LPP: variants seen among roughly 807,000 people sequenced by gnomAD.
The protein encoded by LPP is LIM domain containing preferred translocation partner in lipoma.
A neutral mutation model predicts 60.4 loss-of-function variants in LPP; 38 were observed. The observed-to-expected ratio is 0.63, with a 90% CI of 0.49 to 0.83. LPP has a LOEUF of 0.83. Ranked by LOEUF, LPP falls within the 40% of genes least tolerant of loss-of-function variation. The probability of loss-of-function intolerance (pLI) is 0.00; values close to 1 mark genes in which losing one functional copy is unlikely to be tolerated. For synonymous variants in LPP, 328 were observed against 290.8 expected, an observed-to-expected ratio of 1.13 and a Z score of -1.30; for missense variants, 902 against 783.6, an observed-to-expected ratio of 1.15 and a Z score of -1.80.
intron 9 of LPP, among the ~76,000 whole-genome samples, chr3:188,763,832 A>T (rs1014194575): frequency 6.6e-6 from 1 of 152,076 alleles, no homozygotes; most frequent in African/African-American, 2.4e-5. Context: ...TTTGAATTAC[A>T]TCCTTAGCAT....
chr3:188,610,999 C>G lies in LPP; in HGVS notation c.1113+1155C>G, dbSNP rs1843596904. Among the ~76,000 whole-genome samples, 1 of 152,164 alleles carries G rather than the reference C, an allele frequency of 6.6e-6. No homozygotes were observed. The highest frequency in any genetic ancestry group is 2.4e-5 in the African/African-American group (1 of 41,430). On this transcript the variant is annotated intron_variant, in intron 7 of 11. Transcript: ENST00000617246. This position sits in a 1 kb window ranked among gnomAD's most constrained non-coding sequence, Gnocchi z 4.4. ...TCTTTCCACATTTTTACAAGATTGT[C>G]CATTTCAAGACAGATCTATTCACAT...
chr3:188,705,595 A>T (rs1041305166), intron 7 of LPP, among the ~76,000 whole-genome samples: 1 of 151,870 alleles, frequency 6.6e-6, no homozygotes, highest in Non-Finnish European at 1.5e-5. Context: ...ACTATGCTAT[A>T]TATATATATA....
intron 7 of LPP, among the ~76,000 whole-genome samples, chr3:188,652,995 G>A: frequency 6.6e-6 from 1 of 152,206 alleles, no homozygotes; most frequent in East Asian, 1.9e-4. Flanking sequence ...CACTGGTTTG[G>A]AAGTGTGTGT....
At chr3:188,314,597 C>CTGTG (rs34621159) in intron 2 of LPP, among the ~76,000 whole-genome samples, 1,556 of 149,782 alleles carry the variant, frequency 0.01, 15 homozygotes, top group African/African-American at 0.035. Flanking sequence ...TTTGAAAATT[C>CTGTG]TGTGTGTGTG....
At chr3:188,842,635 GT>G (rs1289090516) in intron 9 of LPP, among the ~76,000 whole-genome samples, 5 of 151,722 alleles carry the variant, frequency 3.3e-5, no homozygotes, top group South Asian at 2.1e-4. Flanking sequence ...TAGAATTAAT[GT>G]TTTTCCTATT....
chr3:188,186,643 A>G (rs58534763), intron 1 of LPP, among the ~76,000 whole-genome samples: 2 of 152,218 alleles, frequency 1.3e-5, no homozygotes, highest in East Asian at 3.9e-4. Context: ...AGTAAAAATA[A>G]AATAATGCGG....
rs879257513 is a variant in LPP, at chr3:188,250,775, T to TG, written c.-67+25248_-67+25249insG. ...CTTTCTTTCTTTCTTTCTTTCTTTC[T>TG]TTCTTTCTTTCTGTCTTTCTCTTTC... On this transcript the variant is annotated intron_variant, in intron 2 of 11. Transcript: ENST00000617246. 5.5e-3 allele frequency among the ~76,000 whole-genome samples: 652 copies of TG among 118,424 alleles called. 9 individuals carry two copies. Among genetic ancestry groups the TG allele is most frequent in the Non-Finnish European group, 7.8e-3 (455 of 58,650 alleles). The allele number at this position is 118,424 out of a possible 152,430, so 77.7% of individuals were successfully genotyped here.
In LPP at chr3:188,281,431, G is replaced by A. The variant is rs535426158; in HGVS notation, c.-67+55904G>A. 5.3e-5 allele frequency among the ~76,000 whole-genome samples: 8 copies of A among 151,234 alleles called. No individual in the cohort carries two copies. In the South Asian group the frequency reaches 1.3e-3, roughly 24 times the overall value. ...AGCCTGGCCAACATAGCGAAACCCC[G>A]TCTCTACTAAAAATACAGAAATATT... On this transcript the variant is annotated intron_variant, in intron 2 of 11. Transcript: ENST00000617246.
intron 4 of LPP, 52 bp downstream of exon 4, chr3:188,406,365 T>C: frequency 6.7e-7 from 1 of 1,495,836 alleles, no homozygotes; most frequent in Non-Finnish European, 9.2e-7. Flanking sequence ...AATTCAGTTA[T>C]ATAGGTGATT....
chr3:188,198,442 T>C (rs1730144182), intron 1 of LPP, among the ~76,000 whole-genome samples: 1 of 152,188 alleles, frequency 6.6e-6, no homozygotes, highest in Non-Finnish European at 1.5e-5. Flanking sequence ...TAGACTTGAA[T>C]CACATTTGTA....
chr3:188,200,287 T>C (rs1730726801), intron 1 of LPP, among the ~76,000 whole-genome samples: 1 of 151,254 alleles, frequency 6.6e-6, no homozygotes, highest in East Asian at 2.0e-4. Flanking sequence ...TTCACTCTTG[T>C]TGCCCAGGCT....
intron 5 of LPP, among the ~76,000 whole-genome samples, chr3:188,489,669 C>T (rs552666051): frequency 3.3e-5 from 5 of 152,178 alleles, no homozygotes; most frequent in Non-Finnish European, 5.9e-5. Flanking sequence ...TAAGGCAAAA[C>T]ATGTTGCACT....
intron 1 of LPP, among the ~76,000 whole-genome samples, chr3:188,193,235 G>A (rs1728661413): frequency 6.6e-6 from 1 of 152,080 alleles, no homozygotes; most frequent in South Asian, 2.1e-4. Flanking sequence ...TGGCGTTCTG[G>A]TACCTCCCCT....
intron 3 of LPP, among the ~76,000 whole-genome samples, chr3:188,382,410 A>C (rs916704041): frequency 6.6e-6 from 1 of 152,212 alleles, no homozygotes; most frequent in Non-Finnish European, 1.5e-5. Context: ...ATCAAATTCT[A>C]AGTTAATAAA....
At chr3:188,838,934 C>T (rs1424947174) in intron 9 of LPP, among the ~76,000 whole-genome samples, 1 of 152,112 alleles carries the variant, frequency 6.6e-6, no homozygotes, top group African/African-American at 2.4e-5. Flanking sequence ...ACCTAGATGA[C>T]AGGTTGATGG....
chr3:188,678,009 A>C (rs749813738), intron 7 of LPP, among the ~76,000 whole-genome samples: 13 of 152,206 alleles, frequency 8.5e-5, no homozygotes, highest in Non-Finnish European at 1.6e-4. Flanking sequence ...ACTTATGTGG[A>C]AACGGCCAAA....
chr3:188,241,061 A>T (rs552917995), intron 2 of LPP, among the ~76,000 whole-genome samples: 1 of 152,340 alleles, frequency 6.6e-6, no homozygotes, highest in Admixed American at 6.5e-5. Flanking sequence ...ATGTCCCTAC[A>T]TGTGAAATGG....
intron 9 of LPP, among the ~76,000 whole-genome samples, chr3:188,830,915 T>C (rs557225914): frequency 2.8e-4 from 43 of 152,320 alleles, no homozygotes; most frequent in South Asian, 1.7e-3. Flanking sequence ...TAACTGTCCT[T>C]TGAGACTTGG....
At chr3:188,834,624 G>A (rs1757952417) in intron 9 of LPP, among the ~76,000 whole-genome samples, 1 of 152,158 alleles carries the variant, frequency 6.6e-6, no homozygotes, top group South Asian at 2.1e-4. Flanking sequence ...GTGAGTTCCT[G>A]CGATACAGAT....
Sources: gnomAD v4.1 joint callset for allele counts (sites outside exome capture counted in the v4.1 genomes callset) on GRCh38, gnomAD v4.1.1 for gene constraint, Gnocchi (gnomAD v3.1) non-coding constraint, MANE v1.5 for transcripts, NCBI Gene and HGNC (gene_info 2026-07-23, HGNC 2026-07-21) for gene names.